HLA-DPA1: variants seen among roughly 807,000 people sequenced by gnomAD.
The protein encoded by HLA-DPA1 is HLA class II histocompatibility antigen, DP alpha 1 chain.
In HLA-DPA1, 20 loss-of-function variants were observed where a neutral mutation model predicts 21.5. The observed-to-expected ratio is 0.93, with a 90% CI of 0.66 to 1.35. The LOEUF is 1.35. Among genes scored for constraint, HLA-DPA1 ranks in the 40% most tolerant of loss-of-function variants. HLA-DPA1 has a pLI of 0.00. For synonymous variants in HLA-DPA1, 123 were observed against 129.6 expected, an observed-to-expected ratio of 0.95 and a Z score of 0.35; for missense variants, 279 against 323.0, an observed-to-expected ratio of 0.86 and a Z score of 1.05.
exon 3 of HLA-DPA1, chr6:33,069,822 A>G: frequency 1.2e-6 from 2 of 1,610,860 alleles, no homozygotes; most frequent in Non-Finnish European, 8.5e-7. Flanking sequence ...CATCAAATTC[A>G]AACATAAACT....
chr6:33,069,633 G>A lies in HLA-DPA1; in HGVS notation c.346+8C>T. On this transcript the variant is annotated splice_region_variant and intron_variant, in intron 3 of 5. Transcript: ENST00000419277. ...GGCTACAGAGGAAGAGGCAAAGATAGGGCGTACCGTTGGTGGCCTGAGTGT... is the reference window on the plus strand; with the variant it reads ...GGCTACAGAGGAAGAGGCAAAGATAAGGCGTACCGTTGGTGGCCTGAGTGT... 6.2e-7 allele frequency: 1 copy of A among 1,611,658 alleles called. No individual in the cohort carries two copies.
intron 1 of HLA-DPA1, among the ~76,000 whole-genome samples, chr6:33,075,555 T>C (rs1052548908): frequency 1.3e-5 from 2 of 152,184 alleles, no homozygotes; most frequent in African/African-American, 2.4e-5. Flanking sequence ...AGTTCTGAGA[T>C]GGGTACTCTA....
At chr6:33,076,028 C>G (rs149181738) in intron 1 of HLA-DPA1, 6 of 1,604,018 alleles carry the variant, frequency 3.7e-6, no homozygotes, top group Non-Finnish European at 4.3e-6. Context: ...ATTTTGCCAT[C>G]CTTTTCCAGC....
intron 1 of HLA-DPA1, chr6:33,075,817 A>T: frequency 1.8e-6 from 1 of 545,598 alleles, no homozygotes. Context: ...AGTGCATCAC[A>T]GGCTTTATAT....
intron 1 of HLA-DPA1, chr6:33,076,205 C>T: frequency 1.8e-6 from 2 of 1,110,040 alleles, no homozygotes; most frequent in Non-Finnish European, 2.7e-6. Flanking sequence ...GGGACGTTAT[C>T]TTTAAGGGAT....
At position 33,073,445 on chromosome 6, in the gene HLA-DPA1, G is replaced by C. The variant is rs377625773; in HGVS notation, c.100+26C>G. The C allele has an allele frequency of 2.7e-4, 404 of 1,490,224 alleles. 1 individual carries two copies. Among genetic ancestry groups the C allele is most frequent in the Middle Eastern group, 2.0e-3 (11 of 5,566 alleles). 92.3% of individuals were successfully genotyped at this position (1,490,224 alleles called of 1,614,324 possible). On this transcript the variant is annotated intron_variant, in intron 2 of 5. Coordinates refer to ENST00000419277, the Ensembl canonical transcript of HLA-DPA1. ...GAACCACCCCATCACTCACCCCGAC[G>C]CTCCTGCGTCCTCCTGAGCACTCAC...
intron 1 of HLA-DPA1, among the ~76,000 whole-genome samples, chr6:33,075,353 T>C (rs1762486265): frequency 6.6e-6 from 1 of 152,184 alleles, no homozygotes. Flanking sequence ...GGGTAGGTGG[T>C]GTGTCCACGC....
Position 33,071,993 on chromosome 6 carries a change from A to AT in HLA-DPA1, c.100+1477dup, listed in dbSNP as rs201054060. On this transcript the variant is annotated intron_variant, in intron 2 of 5. Coordinates refer to ENST00000419277, the Ensembl canonical transcript of HLA-DPA1. ...TAGTGGCAGGTGCAGGTTAAATAAG[A>AT]TTTTCCAGGAAGAGTGCCAAAAATC... is the stretch of plus-strand genomic sequence containing the variant. Among the ~76,000 whole-genome samples, 1,436 of 152,250 alleles carry AT rather than the reference A, an allele frequency of 9.4e-3. 8 individuals are homozygous for AT. Among genetic ancestry groups the AT allele is most frequent in the East Asian group, 0.026 (134 of 5,186 alleles).
chr6:33,073,642 A>G (rs1762403040), exon 2 of HLA-DPA1: 2 of 1,054,134 alleles, frequency 1.9e-6, no homozygotes, highest in African/African-American at 1.6e-5. Context: ...GTGGAGGCAG[A>G]TGAGACTGAA....
At chr6:33,069,054 T>A (rs1762113609) in exon 4 of HLA-DPA1, 1 of 1,612,898 alleles carries the variant, frequency 6.2e-7, no homozygotes. Context: ...CAAGCCCCAG[T>A]GCTCCACCCT....
chr6:33,077,453 C>T (rs1762601772), intron 1 of HLA-DPA1, among the ~76,000 whole-genome samples: 2 of 152,152 alleles, frequency 1.3e-5, no homozygotes, highest in Admixed American at 1.3e-4. Flanking sequence ...ATGGCTGGGT[C>T]AAATGGTATT....
At chr6:33,079,655 A>AAC (rs1762733249) in intron 1 of HLA-DPA1, 5 of 471,108 alleles carry the variant, frequency 1.1e-5, no homozygotes, top group South Asian at 6.4e-5. Flanking sequence ...CAACAAAAAA[A>AAC]ACATGCTGCC....
At position 33,069,284 on chromosome 6, in the gene HLA-DPA1, G is replaced by C. The variant is rs1126544; in HGVS notation, c.363C>G (p.Thr121=). The C allele has an allele frequency of 0.045, 71,617 of 1,609,186 alleles. 7,498 individuals are homozygous for C. In the East Asian group the frequency reaches 0.49, roughly 11 times the overall value. Residue 121 remains threonine (T), a synonymous_variant, in exon 4 of 6, where the codon ACC becomes ACG. Transcript: ENST00000419277. ...GCTCCACAGGCTCCTTGGGAAACAC[G>C]GTCACCTCAGGGGGATCTGGAAGGA...
In HLA-DPA1 at chr6:33,080,503, G is replaced by C. The variant is rs767021209; in HGVS notation, c.-100+177C>G. The C allele has an allele frequency of 1.3e-5, 12 of 924,188 alleles. No homozygotes were observed. The highest frequency in any genetic ancestry group is 1.9e-5 in the Non-Finnish European group (11 of 576,404). The allele number at this position is 924,188 out of a possible 1,614,324, so 57.2% of individuals were successfully genotyped here. On this transcript the variant is annotated intron_variant, in intron 1 of 5. Transcript: ENST00000419277. This position sits in a 1 kb window ranked among gnomAD's most constrained non-coding sequence, Gnocchi z 4.3. The stretch of plus-strand genomic sequence containing the variant: ...GTGGTGAGAAAACAGGCCTGGAGAG[G>C]CTCTGCGACCCGCTTAGGACCACAG...
At chr6:33,068,492 A>C in intron 5 of HLA-DPA1, 146 bp downstream of exon 4, 1 of 633,116 alleles carries the variant, frequency 1.6e-6, no homozygotes, top group South Asian at 2.3e-5. Flanking sequence ...GACCATATTA[A>C]CTACTCAGTT....
intron 2 of HLA-DPA1, among the ~76,000 whole-genome samples, chr6:33,073,138 G>A (rs573499631): frequency 3.3e-5 from 5 of 152,302 alleles, no homozygotes; most frequent in Admixed American, 2.0e-4. Context: ...AACTTGGCTC[G>A]TTGATCTGCT....
Position 33,073,665 on chromosome 6 carries a change from T to C in HLA-DPA1, c.-95A>G. 1.2e-6 allele frequency: 1 copy of C among 815,674 alleles called. No homozygotes were observed. The highest frequency in any genetic ancestry group is 1.4e-5 in the South Asian group (1 of 69,300). 50.5% of individuals were successfully genotyped at this position (815,674 alleles called of 1,614,324 possible). On this transcript the variant is annotated 5_prime_UTR_variant, in exon 2 of 6. Transcript: ENST00000419277. The stretch of plus-strand genomic sequence containing the variant: ...AGATGAGACTGAAACTGTGGGCCTC[T>C]AGCACTGGAAATGGGTGGAGAGGAA...
At chr6:33,069,745 T>C (rs1042178) in exon 3 of HLA-DPA1, 335,361 of 1,598,262 alleles carry the variant, frequency 0.21, 46,939 homozygotes, top group East Asian at 0.64. Context: ...GGAAAAGGCT[T>C]GGCCAAACTC....
At chr6:33,079,308 C>A (rs1268844739) in intron 1 of HLA-DPA1, 1 of 169,036 alleles carries the variant, frequency 5.9e-6, no homozygotes, top group African/African-American at 2.4e-5. Context: ...TGTAGACACA[C>A]ACCTGCCAGA....
Sources: gnomAD v4.1 joint callset for allele counts (sites outside exome capture counted in the v4.1 genomes callset) on GRCh38, gnomAD v4.1.1 for gene constraint, Gnocchi (gnomAD v3.1) non-coding constraint, MANE v1.5 for transcripts, NCBI Gene and HGNC (gene_info 2026-07-23, HGNC 2026-07-21) for gene names.